The following NRXN1 variants were observed in gnomAD, a reference collection of about 807,000 sequenced individuals.
NRXN1 encodes neurexin 1.
In NRXN1, 39 loss-of-function variants were observed where a neutral mutation model predicts 150.9. The observed-to-expected ratio is 0.26, with a 90% CI of 0.20 to 0.34. NRXN1 has a LOEUF of 0.34. Among genes scored for constraint, NRXN1 ranks in the 10% least tolerant of loss-of-function variants. NRXN1 has a pLI of 1.00. For synonymous variants in NRXN1, 924 were observed against 757.0 expected (o/e 1.22, Z -3.62); for missense variants, 1,815 against 1,949.9 (o/e 0.93, Z 1.30).
At chr2:50,430,598 T>C (rs901278998) in intron 17 of NRXN1, among the ~76,000 whole-genome samples, 4 of 152,210 alleles carry the variant, frequency 2.6e-5, no homozygotes, top group Non-Finnish European at 4.4e-5. Context: ...AGCACAGCCC[T>C]GTACCAGGCC....
chr2:50,606,960 T>G (rs1677233785), intron 8 of NRXN1, among the ~76,000 whole-genome samples: 1 of 152,028 alleles, frequency 6.6e-6, no homozygotes, highest in Non-Finnish European at 1.5e-5. Context: ...GCAAATGAAG[T>G]GAAAAAATGC....
At chr2:50,659,234 A>G (rs1686937830) in intron 5 of NRXN1, among the ~76,000 whole-genome samples, 1 of 152,050 alleles carries the variant, frequency 6.6e-6, no homozygotes, top group African/African-American at 2.4e-5. Flanking sequence ...TGGCCAGTGC[A>G]TGTTTTTATG....
intron 21 of NRXN1, among the ~76,000 whole-genome samples, chr2:50,032,177 T>C (rs961088811): frequency 1.3e-5 from 2 of 152,088 alleles, no homozygotes; most frequent in African/African-American, 2.4e-5. Context: ...CTAAATATAC[T>C]GAAAGTCTGG....
chr2:50,504,072 TG>T, intron 13 of NRXN1, among the ~76,000 whole-genome samples: 1 of 145,360 alleles, frequency 6.9e-6, no homozygotes, highest in East Asian at 2.0e-4. Flanking sequence ...ACAATGTTAA[TG>T]TGATGAAAAA....
chr2:50,670,460 G>A (rs1688679837), intron 5 of NRXN1, among the ~76,000 whole-genome samples: 2 of 151,932 alleles, frequency 1.3e-5, no homozygotes, highest in Non-Finnish European at 2.9e-5. Flanking sequence ...TTACAGAAGA[G>A]CTGCAGTGTT....
At chr2:50,836,502 G>C (rs1335265014) in intron 5 of NRXN1, among the ~76,000 whole-genome samples, 1 of 151,800 alleles carries the variant, frequency 6.6e-6, no homozygotes, top group Non-Finnish European at 1.5e-5. Flanking sequence ...CCAGCCTCTG[G>C]TAACCACCAT....
At chr2:50,980,999 T>C (rs1183244473) in intron 2 of NRXN1, among the ~76,000 whole-genome samples, 2 of 152,108 alleles carry the variant, frequency 1.3e-5, no homozygotes, top group East Asian at 3.9e-4. Context: ...TACTATGGCA[T>C]TAAAATAGAT....
chr2:50,905,182 T>C (rs539084469), intron 5 of NRXN1, among the ~76,000 whole-genome samples: 67 of 152,236 alleles, frequency 4.4e-4, no homozygotes, highest in African/African-American at 1.6e-3. Context: ...CCTCTAATGA[T>C]CCCACCTTTC....
intron 17 of NRXN1, among the ~76,000 whole-genome samples, chr2:50,375,028 C>A (rs1227348293): frequency 6.6e-6 from 1 of 151,934 alleles, no homozygotes; most frequent in African/African-American, 2.4e-5. Context: ...ACACCAGTGC[C>A]CTAAAAATAA....
intron 8 of NRXN1, among the ~76,000 whole-genome samples, chr2:50,557,093 C>T (rs1365694811): frequency 6.6e-6 from 1 of 152,178 alleles, no homozygotes; most frequent in Non-Finnish European, 1.5e-5. Flanking sequence ...TCTTCTCGTA[C>T]ACAGACATGC....
chr2:50,551,056 A>G (rs184793218), intron 9 of NRXN1, among the ~76,000 whole-genome samples: 101 of 80,874 alleles, frequency 1.2e-3, no homozygotes, highest in South Asian at 0.012. Flanking sequence ...AAGAGGAAGA[A>G]GAAGAAGAAG....
intron 18 of NRXN1, among the ~76,000 whole-genome samples, chr2:50,128,767 G>A (rs1386497890): frequency 6.6e-6 from 1 of 152,028 alleles, no homozygotes; most frequent in East Asian, 1.9e-4. Flanking sequence ...TGGATCGCCT[G>A]AGATCAGGAG....
chr2:50,921,058 T>C (rs1685958123), intron 5 of NRXN1, among the ~76,000 whole-genome samples: 2 of 151,638 alleles, frequency 1.3e-5, no homozygotes. Context: ...CTAATAATAA[T>C]AATTAAAAAA....
At chr2:50,789,562 G>A (rs1161731370) in intron 5 of NRXN1, among the ~76,000 whole-genome samples, 1 of 152,204 alleles carries the variant, frequency 6.6e-6, no homozygotes, top group Non-Finnish European at 1.5e-5. Flanking sequence ...CTGAGACAGT[G>A]GGGCAGCAAT....
At chr2:50,168,882 C>T (rs960792364) in intron 18 of NRXN1, among the ~76,000 whole-genome samples, 2 of 152,200 alleles carry the variant, frequency 1.3e-5, no homozygotes, top group Non-Finnish European at 2.9e-5. Flanking sequence ...AAAAAGAATG[C>T]TGTATCCTTT....
chr2:50,104,196 T>C (rs1701342753), intron 18 of NRXN1, among the ~76,000 whole-genome samples: 1 of 151,988 alleles, frequency 6.6e-6, no homozygotes, highest in African/African-American at 2.4e-5. Flanking sequence ...CTGACAATAG[T>C]TGAAAAGCAA....
At chr2:50,422,585 C>T (rs2084084683) in intron 17 of NRXN1, among the ~76,000 whole-genome samples, 1 of 152,226 alleles carries the variant, frequency 6.6e-6, no homozygotes, top group South Asian at 2.1e-4. Flanking sequence ...CTAGGGTTGG[C>T]TTTATGTTGG....
chr2:50,400,570 C>A (rs2176854), intron 17 of NRXN1, among the ~76,000 whole-genome samples: 21,701 of 151,986 alleles, frequency 0.14, 2,449 homozygotes, highest in East Asian at 0.38. Context: ...TTAGCAAAAC[C>A]ACAAGGCACT....
At chr2:50,985,653 CAAAT>C (rs983586672) in intron 2 of NRXN1, among the ~76,000 whole-genome samples, 3 of 151,062 alleles carry the variant, frequency 2.0e-5, no homozygotes, top group Non-Finnish European at 4.4e-5. Context: ...GAGAAATAGT[CAAAT>C]AAAAAGATAA....
Sources: gnomAD v4.1 joint callset for allele counts (sites outside exome capture counted in the v4.1 genomes callset) on GRCh38, gnomAD v4.1.1 for gene constraint, MANE v1.5 for transcripts, NCBI Gene and HGNC (gene_info 2026-07-23, HGNC 2026-07-21) for gene names.